MPO: variants seen among roughly 807,000 people sequenced by gnomAD.
MPO encodes the protein myeloperoxidase.
In MPO, 57 loss-of-function variants were observed where a neutral mutation model predicts 69.4. The observed-to-expected ratio is 0.82, with a 90% CI of 0.66 to 1.02. The LOEUF (loss-of-function observed/expected upper bound fraction) is 1.02. Ranked by LOEUF, MPO falls within the 50% of genes least tolerant of loss-of-function variation. The pLI, the probability that MPO is intolerant of heterozygous loss-of-function variation, is 0.00. For missense variants in MPO, 971 were observed against 1,014.1 expected, an observed-to-expected ratio of 0.96 and a Z score of 0.58; for synonymous variants, 426 against 417.1, an observed-to-expected ratio of 1.02 and a Z score of -0.26.
chr17:58,280,600 G>A lies in MPO; in HGVS notation c.154+5C>T. On this transcript the variant is annotated splice_donor_5th_base_variant and intron_variant, in intron 1 of 11. Transcript: ENST00000225275. ...ACCATCTTCTCCCACCTTGGGAACTGTTACCTGGAGCAGCACCTTCAGAGG... is the reference window on the plus strand; with the variant it reads ...ACCATCTTCTCCCACCTTGGGAACTATTACCTGGAGCAGCACCTTCAGAGG... 1.2e-6 allele frequency: 2 copies of A among 1,614,224 alleles called. No individual in the cohort carries two copies.
rs775151767 is a variant in MPO, at chr17:58,279,922, C to G, written c.341G>C (p.Arg114Thr). The G allele has an allele frequency of 3.1e-6, 5 of 1,614,022 alleles. 1 individual carries two copies. The highest frequency in any genetic ancestry group is 4.2e-6 in the Non-Finnish European group (5 of 1,180,026). ...QPVAATRTAV[R>T]AADYLHVALD... is the part of the protein sequence containing the mutation. ...AGCCACGTGCAGGTAGTCAGCGGCC[C>G]TCACCGCCGTCCTGGTGGCTGCCAC... The change falls in exon 3 of 12, where the codon AGG (arginine) becomes ACG (threonine). Residue 114 changes from arginine (R) to threonine (T), a missense_variant. Coordinates refer to ENST00000225275, the MANE Select transcript of MPO (RefSeq NM_000250.2).
Position 58,273,524 on chromosome 17 carries a change from A to G in MPO, c.1511T>C (p.Leu504Pro). ...CAGGCGGAACATGAAGGGTTGGATG[A>G]GGGTGTGGCCGTAGCGGAAGGCATT... ...FTNAFRYGHT[L>P]IQPFMFRLDN... is the part of the protein sequence containing the mutation. The change falls in exon 9 of 12, where the codon CTC becomes CCC. Residue 504 changes from leucine (L) to proline (P), a missense_variant. Coordinates refer to ENST00000225275, the MANE Select transcript of MPO (RefSeq NM_000250.2). The G allele has an allele frequency of 6.2e-7, 1 of 1,614,172 alleles. No individual in the cohort carries two copies. The highest frequency in any genetic ancestry group is 2.2e-5 in the East Asian group (1 of 44,872).
intron 11 of MPO, among the ~76,000 whole-genome samples, 180 bp from the exon 12 acceptor site, chr17:58,271,043 C>T (rs1013576560): frequency 6.6e-6 from 1 of 152,160 alleles, no homozygotes; most frequent in African/African-American, 2.4e-5. Flanking sequence ...CTCCACTCAT[C>T]GTGCAGAGTA....
In MPO at chr17:58,271,799, T is replaced by C; in HGVS notation, c.1886A>G (p.Lys629Arg). Reference sequence around the variant, plus strand: ...GGGCGTGCCATACTGCTCCATCAGTTTCCTCGCCAATTTCAGGTTCCTCAG... The same window carrying C: ...GGGCGTGCCATACTGCTCCATCAGTCTCCTCGCCAATTTCAGGTTCCTCAG... Reference protein sequence around the residue: ...TVLRNLKLARKLMEQYGTPNN... With the variant: ...TVLRNLKLARRLMEQYGTPNN... Residue 629 changes from lysine to arginine, a missense_variant, in exon 11 of 12, where the codon AAA becomes AGA. Lys to Arg is a conservative substitution (Grantham distance 26). Coordinates refer to ENST00000225275, the MANE Select transcript of MPO (RefSeq NM_000250.2). 5.6e-6 allele frequency: 9 copies of C among 1,614,138 alleles called. No homozygotes were observed. The highest frequency in any genetic ancestry group is 7.6e-6 in the Non-Finnish European group (9 of 1,180,014).
chr17:58,279,771 A>C lies in MPO; in HGVS notation c.424+68T>G. On this transcript the variant is annotated intron_variant, in intron 3 of 11. Coordinates refer to ENST00000225275, the MANE Select transcript of MPO (RefSeq NM_000250.2). ...GGAAGAAGTTGAGGGGATCACTGAG[A>C]GACGGCTGGGGTCCCTAGGAGGAGT... The C allele has an allele frequency of 1.9e-6, 3 of 1,613,056 alleles. No homozygotes were observed. The African/African-American group carries it at 4.0e-5, about 22-fold the overall frequency.
rs1389560049 is a variant in MPO at position 58,275,154 on chromosome 17, CGCCCAGCCCTATAA to C, written c.1365+374_1365+387del. 1.3e-5 allele frequency among the ~76,000 whole-genome samples: 2 copies of C among 152,094 alleles called. No individual in the cohort carries two copies. The highest frequency in any genetic ancestry group is 4.8e-5 in the African/African-American group (2 of 41,408). On this transcript the variant is annotated intron_variant, in intron 8 of 11. Coordinates refer to ENST00000225275, the MANE Select transcript of MPO (RefSeq NM_000250.2). This position sits in a 1 kb window ranked among gnomAD's most constrained non-coding sequence, Gnocchi z 4.1. ...CTGGGATTACAGGCATGAGCCACCG[CGCCCAGCCCTATAA>C]TTTTTTTAATTTTAAAAAGAAGAGG...
intron 6 of MPO, among the ~76,000 whole-genome samples, chr17:58,278,621 G>A (rs567631620): frequency 2.3e-4 from 35 of 152,262 alleles, no homozygotes; most frequent in African/African-American, 7.9e-4. Flanking sequence ...GGGGGTTGGG[G>A]CTGCCCTCTC....
Position 58,270,611 on chromosome 17 carries a change from C to T in MPO, c.*45G>A. On this transcript the variant is annotated 3_prime_UTR_variant, in exon 12 of 12. Transcript: ENST00000225275. This position sits in a 1 kb window ranked among gnomAD's most constrained non-coding sequence, Gnocchi z 4.1. ...AGGAGATCTCCGTGGTTCCAACTGG[C>T]CAGCCCAGATATACCCCTCACTGCT... The T allele has an allele frequency of 1.3e-6, 2 of 1,523,062 alleles. No homozygotes were observed. The allele number at this position is 1,523,062 out of a possible 1,614,324, so 94.3% of individuals were successfully genotyped here. A position where few individuals can be genotyped will look rare whatever the true frequency, so the allele number is the denominator to read the frequency against.
chr17:58,277,109 G>GA (rs952941226), intron 7 of MPO, among the ~76,000 whole-genome samples: 204 of 139,478 alleles, frequency 1.5e-3, no homozygotes, highest in East Asian at 2.1e-3. Flanking sequence ...TTCCGTCTTA[G>GA]AAAAAAAAAA....
At position 58,277,968 on chromosome 17, in the gene MPO, T is replaced by C. The variant is rs1970459950; in HGVS notation, c.1063A>G (p.Asn355Asp). The C allele has an allele frequency of 1.2e-6, 2 of 1,613,758 alleles. No individual in the cohort carries two copies. The highest frequency in any genetic ancestry group is 2.2e-5 in the East Asian group (1 of 44,888). ...SEEPLARNLRNMSNQLGLLAV... is the reference protein window; with the variant it reads ...SEEPLARNLRDMSNQLGLLAV... ...AGCAGCCCCAGCTGGTTGGACATGT[T>C]GCGCAGGTTCCTGGCCAGGGGCTCC... is the stretch of plus-strand genomic sequence containing the variant. Residue 355 changes from asparagine to aspartate, a missense_variant, in exon 7 of 12, where the codon AAC becomes GAC. By Grantham distance (23) the Asn-to-Asp change is conservative. Transcript: ENST00000225275.
chr17:58,280,567 C>T (rs752121494), intron 1 of MPO, 38 bp downstream of exon 1: 2 of 1,614,058 alleles, frequency 1.2e-6, no homozygotes, highest in African/African-American at 1.3e-5. Context: ...ACACAACCAC[C>T]CCAACACACC....
chr17:58,279,691 C>T (rs746867306), intron 3 of MPO, 45 bp from the exon 4 acceptor site: 31 of 1,613,992 alleles, frequency 1.9e-5, no homozygotes, highest in Non-Finnish European at 2.5e-5. Context: ...GCCTCACTTC[C>T]TATCCCAGGC....
At position 58,280,658 on chromosome 17, in the gene MPO, G is replaced by T; in HGVS notation, c.101C>A (p.Ala34Glu). Residue 34 changes from alanine (A) to glutamate (E), a missense_variant, in exon 1 of 12, where the codon GCA (alanine) becomes GAA (glutamate). Ala to Glu is a moderately radical substitution (Grantham distance 107). Coordinates refer to ENST00000225275, the MANE Select transcript of MPO (RefSeq NM_000250.2). ...TAEMKLLLALAGLLAILATPQ... is the reference protein window; with the variant it reads ...TAEMKLLLALEGLLAILATPQ... ...CGTGGCCAGAATGGCCAGGAGCCCT[G>T]CTAGGGCCAGAAGCAGCTTCATCTC... 1 of 1,614,228 alleles carries T rather than the reference G, an allele frequency of 6.2e-7. No homozygotes were observed. The highest frequency in any genetic ancestry group is 8.5e-7 in the Non-Finnish European group (1 of 1,180,036).
intron 10 of MPO, 136 bp from the exon 11 acceptor site, chr17:58,272,028 T>C (rs1970371934): frequency 5.5e-6 from 5 of 911,694 alleles, no homozygotes; most frequent in South Asian, 1.6e-5. Context: ...ACCAAGGTCA[T>C]AGAGGGAGGG....
Position 58,280,461 on chromosome 17 carries a change from T to C in MPO, c.155-2A>G. 6.2e-7 allele frequency: 1 copy of C among 1,614,048 alleles called. No homozygotes were observed. The highest frequency in any genetic ancestry group is 8.5e-7 in the Non-Finnish European group (1 of 1,179,956). On this transcript the variant is annotated splice_acceptor_variant, in intron 1 of 11. Transcript: ENST00000225275. LOFTEE classifies it high-confidence loss of function. The stretch of plus-strand genomic sequence containing the variant: ...AGGTGTCCACCTCCCCCAGGACAGC[T>C]GCCCAGAGCAGGGATCACAAAGTCA...
At chr17:58,271,356 C>T (rs1164023085) in intron 11 of MPO, among the ~76,000 whole-genome samples, 3 of 152,090 alleles carry the variant, frequency 2.0e-5, no homozygotes, top group African/African-American at 7.2e-5. Context: ...GGGGACTGCC[C>T]ACTGGTGACT....
rs1970510616 is a variant in MPO, at chr17:58,280,917, C to A, written c.-159G>T. On this transcript the variant is annotated 5_prime_UTR_variant, in exon 1 of 12. Transcript: ENST00000225275. ...CCAGCTTCCAAGGACCCCACCTCCA[C>A]AGCTCACCTGATATTGTCAGCTCCT... 1 of 765,032 alleles carries A rather than the reference C, an allele frequency of 1.3e-6. No individual in the cohort carries two copies. The highest frequency in any genetic ancestry group is 1.8e-5 in the South Asian group (1 of 55,076). 47.4% of individuals were successfully genotyped at this position (765,032 alleles called of 1,614,324 possible).
At chr17:58,272,026 C>T in intron 10 of MPO, 134 bp from the exon 11 acceptor site, 2 of 933,134 alleles carry the variant, frequency 2.1e-6, no homozygotes, top group Non-Finnish European at 3.3e-6. Flanking sequence ...CAACCAAGGT[C>T]ATAGAGGGAG....
rs1567826115 is a variant in MPO at position 58,270,479 on chromosome 17, A to G, written c.*177T>C. 6 of 666,896 alleles carry G rather than the reference A, an allele frequency of 9.0e-6. No individual in the cohort carries two copies. Among genetic ancestry groups the G allele is most frequent in the Admixed American group, 4.3e-5 (2 of 46,562 alleles). The allele number at this position is 666,896 out of a possible 1,614,324, so 41.3% of individuals were successfully genotyped here. A position where few individuals can be genotyped will look rare whatever the true frequency, so the allele number is the denominator to read the frequency against. On this transcript the variant is annotated 3_prime_UTR_variant, in exon 12 of 12. Coordinates refer to ENST00000225275, the MANE Select transcript of MPO (RefSeq NM_000250.2). The surrounding 1 kb of genome is among the most constrained non-coding windows in gnomAD (Gnocchi z 4.1). Reference sequence around the variant, plus strand: ...CCCCATGTTCAGACAACACACACGCATGAAAAGCCAATTTATATACTTCGC... The same window carrying G: ...CCCCATGTTCAGACAACACACACGCGTGAAAAGCCAATTTATATACTTCGC...
Sources: gnomAD v4.1 joint callset for allele counts (sites outside exome capture counted in the v4.1 genomes callset) on GRCh38, gnomAD v4.1.1 for gene constraint, Gnocchi (gnomAD v3.1) non-coding constraint, MANE v1.5 for transcripts, NCBI Gene and HGNC (gene_info 2026-07-23, HGNC 2026-07-21) for gene names.